The following VWA2 variants were observed in gnomAD, a reference collection of about 807,000 sequenced individuals.
VWA2 encodes von Willebrand factor A domain containing 2.
In VWA2, 73 loss-of-function variants were observed where a neutral mutation model predicts 70.4. The ratio of observed to expected loss-of-function variants is 1.04; its 90% CI spans 0.86 to 1.26. The LOEUF is 1.26. VWA2 is among the 50% of genes most tolerant of loss of function. The probability of loss-of-function intolerance (pLI) is 0.00; values close to 1 mark genes in which losing one functional copy is unlikely to be tolerated. For synonymous variants in VWA2, 407 were observed against 423.3 expected (o/e 0.96, Z 0.47); for missense variants, 1,011 against 998.5 (o/e 1.01, Z -0.17).
chr10:114,290,907 G>A (rs908251772), intron 13 of VWA2, among the ~76,000 whole-genome samples: 9 of 152,204 alleles, frequency 5.9e-5, no homozygotes, highest in African/African-American at 2.2e-4. Flanking sequence ...AGGACCTAGA[G>A]AGTGATCGTT....
intron 4 of VWA2, among the ~76,000 whole-genome samples, chr10:114,255,681 C>T (rs1303951567): frequency 6.6e-6 from 1 of 152,178 alleles, no homozygotes; most frequent in African/African-American, 2.4e-5. Context: ...TTGAGTGAAT[C>T]CAGCCAGTAT....
chr10:114,280,529 G>T (rs779105295), intron 8 of VWA2, among the ~76,000 whole-genome samples: 1 of 152,126 alleles, frequency 6.6e-6, no homozygotes, highest in Non-Finnish European at 1.5e-5. Flanking sequence ...ACCTGAGGGA[G>T]GTGGGGGGCA....
At chr10:114,256,016 G>A (rs2037319535) in intron 4 of VWA2, among the ~76,000 whole-genome samples, 1 of 152,196 alleles carries the variant, frequency 6.6e-6, no homozygotes, top group African/African-American at 2.4e-5. Context: ...TGCTGGTGGA[G>A]TGTGAAATGG....
Position 114,286,202 on chromosome 10 carries a change from C to T in VWA2, c.1261C>T (p.Leu421=), listed in dbSNP as rs1329888807. The T allele has an allele frequency of 3.7e-6, 6 of 1,613,894 alleles. No individual in the cohort carries two copies. Among genetic ancestry groups the T allele is most frequent in the Non-Finnish European group, 4.2e-6 (5 of 1,180,002 alleles). ...DGIPFRGGPT[L]TGSALRQAAE... is the part of the protein sequence containing the mutation. Reference sequence around the variant, plus strand: ...CATTCCCTTCCGTGGTGGCCCCACCCTGACGGGCAGTGCCTTGCGGCAGGC... The same window carrying T: ...CATTCCCTTCCGTGGTGGCCCCACCTTGACGGGCAGTGCCTTGCGGCAGGC... Residue 421 remains leucine (L), a synonymous_variant, in exon 11 of 14, where the codon CTG becomes TTG. Transcript: ENST00000392982.
intron 1 of VWA2, chr10:114,246,775 A>G (rs1324853274): frequency 7.8e-7 from 1 of 1,274,418 alleles, no homozygotes; most frequent in Admixed American, 1.7e-5. Context: ...TTTCAGGAAC[A>G]TGCTACTAAA....
intron 6 of VWA2, among the ~76,000 whole-genome samples, chr10:114,275,517 C>T (rs970853559): frequency 1.3e-5 from 2 of 152,140 alleles, no homozygotes; most frequent in African/African-American, 4.8e-5. Flanking sequence ...TGTCTCCTTC[C>T]AGTGCTTTCT....
At chr10:114,242,105 C>G (rs950562350) in intron 1 of VWA2, among the ~76,000 whole-genome samples, 1 of 152,190 alleles carries the variant, frequency 6.6e-6, no homozygotes, top group African/African-American at 2.4e-5. Flanking sequence ...TAGCTGCTGA[C>G]TTTCCTTGAA....
chr10:114,277,193 T>G (rs912280673), intron 6 of VWA2, among the ~76,000 whole-genome samples: 1 of 137,232 alleles, frequency 7.3e-6, no homozygotes, highest in African/African-American at 2.8e-5. Flanking sequence ...TTTTTTTTTT[T>G]TTTTTCTGGA....
At chr10:114,289,521 C>A in intron 12 of VWA2, 32 bp downstream of exon 12, 2 of 1,609,522 alleles carry the variant, frequency 1.2e-6, no homozygotes, top group Non-Finnish European at 1.7e-6. Context: ...CTCAGGGCTG[C>A]CCCCATGGCA....
At chr10:114,277,738 C>G (rs183419003) in intron 6 of VWA2, among the ~76,000 whole-genome samples, 176 bp from the exon 7 acceptor site, 1 of 152,204 alleles carries the variant, frequency 6.6e-6, no homozygotes, top group South Asian at 2.1e-4. Flanking sequence ...GCTGTCACCT[C>G]GAACCACTTT....
chr10:114,291,143 G>A, intron 13 of VWA2, 75 bp from the exon 14 acceptor site: 2 of 1,522,412 alleles, frequency 1.3e-6, no homozygotes, highest in African/African-American at 1.4e-5. Flanking sequence ...GACCTGAAGG[G>A]GTCCTCAGAG....
chr10:114,253,671 C>T lies in VWA2; in HGVS notation c.73C>T (p.Gln25Ter), dbSNP rs765010878. 1.2e-6 allele frequency: 2 copies of T among 1,612,310 alleles called. No individual in the cohort carries two copies. Among genetic ancestry groups the T allele is most frequent in the South Asian group, 2.2e-5 (2 of 91,040 alleles). The change falls in exon 3 of 14, where the codon CAG (glutamine) becomes TAG (stop). Residue 25 changes from glutamine (Q) to a stop codon, truncating the protein, a stop_gained. Coordinates refer to ENST00000392982, the MANE Select transcript of VWA2 (RefSeq NM_001272046.2). LOFTEE classifies it high-confidence loss of function. ...CCTAGTGCCCCCATCTCTCCCTCTC[C>T]AGGAAGTCCATGTAAGCAAAGAAAC... is the stretch of plus-strand genomic sequence containing the variant. ...FSRVPPSLPL[Q>*]EVHVSKETIG...
chr10:114,261,334 C>T (rs1225099927), intron 5 of VWA2, 39 bp downstream of exon 5: 1 of 1,547,826 alleles, frequency 6.5e-7, no homozygotes, highest in East Asian at 2.2e-5. Flanking sequence ...AGGGTGACGC[C>T]AACTGCTCTT....
At chr10:114,247,284 C>T (rs999535371) in intron 1 of VWA2, among the ~76,000 whole-genome samples, 1 of 152,038 alleles carries the variant, frequency 6.6e-6, no homozygotes, top group Non-Finnish European at 1.5e-5. Context: ...CCCGGTAGGC[C>T]TGGTTGGGTT....
intron 13 of VWA2, 103 bp downstream of exon 13, chr10:114,290,468 A>G: frequency 6.8e-7 from 1 of 1,468,296 alleles, no homozygotes; most frequent in Non-Finnish European, 9.2e-7. Flanking sequence ...ACATTCGTTC[A>G]GTGGAAGAAA....
chr10:114,261,949 G>T (rs545888840), intron 5 of VWA2, among the ~76,000 whole-genome samples: 25 of 152,170 alleles, frequency 1.6e-4, no homozygotes, highest in Non-Finnish European at 2.4e-4. Context: ...AGGCAAAGGT[G>T]GGGGGGCAGG....
chr10:114,290,083 C>G, intron 12 of VWA2, 157 bp from the exon 13 acceptor site: 1 of 920,370 alleles, frequency 1.1e-6, no homozygotes, highest in Non-Finnish European at 1.6e-6. Flanking sequence ...TCTTACTAAC[C>G]TAGCCAAGTG....
chr10:114,270,706 T>G (rs1385094022), intron 5 of VWA2, among the ~76,000 whole-genome samples: 1 of 152,186 alleles, frequency 6.6e-6, no homozygotes, highest in Non-Finnish European at 1.5e-5. Flanking sequence ...GAGATCAGAA[T>G]CGGGTTGGTG....
intron 7 of VWA2, among the ~76,000 whole-genome samples, chr10:114,278,468 G>T (rs892844282): frequency 6.6e-6 from 1 of 152,220 alleles, no homozygotes; most frequent in Non-Finnish European, 1.5e-5. Flanking sequence ...GTACATGTGT[G>T]CCCATTACGC....
Sources: gnomAD v4.1 joint callset for allele counts (sites outside exome capture counted in the v4.1 genomes callset) on GRCh38, gnomAD v4.1.1 for gene constraint, MANE v1.5 for transcripts, NCBI Gene and HGNC (gene_info 2026-07-23, HGNC 2026-07-21) for gene names.